NXPH4: variants seen among roughly 807,000 people sequenced by gnomAD.
NXPH4 encodes neurexophilin-4.
Under a neutral mutation model 21.3 loss-of-function variants are expected in NXPH4, and 8 were observed. That is an observed-to-expected ratio of 0.38 (90% CI 0.22 to 0.68). The LOEUF (loss-of-function observed/expected upper bound fraction) is 0.68. NXPH4 is among the 30% of genes least tolerant of loss of function. The probability of loss-of-function intolerance (pLI) is 0.53; values close to 1 mark genes in which losing one functional copy is unlikely to be tolerated. For missense variants in NXPH4, 418 were observed against 416.8 expected, an observed-to-expected ratio of 1.00 and a Z score of -0.03; for synonymous variants, 219 against 192.6, an observed-to-expected ratio of 1.14 and a Z score of -1.13.
intron 1 of NXPH4, 30 bp downstream of exon 1, chr12:57,217,056 C>T (rs2037046376): frequency 1.9e-6 from 3 of 1,575,028 alleles, no homozygotes; most frequent in Non-Finnish European, 8.6e-7. Flanking sequence ...GGCGCTAGCG[C>T]GGGCGCGGGG....
chr12:57,222,804 C>T (rs1565763424), intron 1 of NXPH4, among the ~76,000 whole-genome samples: 1 of 152,166 alleles, frequency 6.6e-6, no homozygotes, highest in Non-Finnish European at 1.5e-5. Flanking sequence ...CTGCCCCCGC[C>T]CCCTCACCTG....
At position 57,225,138 on chromosome 12, in the gene NXPH4, C is replaced by A; in HGVS notation, c.318C>A (p.Phe106Leu). 6.4e-7 allele frequency: 1 copy of A among 1,556,966 alleles called. No homozygotes were observed. Among genetic ancestry groups the A allele is most frequent in the South Asian group, 1.2e-5 (1 of 84,790 alleles). The change falls in exon 2 of 2, where the codon TTC becomes TTA. Residue 106 changes from phenylalanine (F) to leucine (L), a missense_variant. Coordinates refer to ENST00000349394, the MANE Select transcript of NXPH4 (RefSeq NM_007224.4). Reference protein sequence around the residue: ...SIKAARAKKIFGWGDFYFRVH... With the variant: ...SIKAARAKKILGWGDFYFRVH... Reference sequence around the variant, plus strand: ...AGGCGGCGCGCGCCAAAAAGATCTTCGGCTGGGGGGACTTCTACTTTCGGG... The same window carrying A: ...AGGCGGCGCGCGCCAAAAAGATCTTAGGCTGGGGGGACTTCTACTTTCGGG...
chr12:57,220,281 C>G (rs2136767987), intron 1 of NXPH4, among the ~76,000 whole-genome samples: 1 of 152,242 alleles, frequency 6.6e-6, no homozygotes, highest in East Asian at 1.9e-4. Context: ...CACTCCCCCT[C>G]CGGCTCCGGC....
intron 1 of NXPH4, among the ~76,000 whole-genome samples, chr12:57,217,609 C>T (rs1285600608): frequency 6.6e-6 from 1 of 152,180 alleles, no homozygotes; most frequent in Non-Finnish European, 1.5e-5. Flanking sequence ...CTCACAGACA[C>T]ACCCCCCTCT....
intron 1 of NXPH4, chr12:57,220,114 G>A (rs1315813274): frequency 6.5e-6 from 1 of 152,886 alleles, no homozygotes; most frequent in East Asian, 1.9e-4. Context: ...GGTCATAGGA[G>A]AGGGTCCCAG....
intron 1 of NXPH4, among the ~76,000 whole-genome samples, chr12:57,217,577 G>A (rs1472315405): frequency 6.6e-6 from 1 of 152,166 alleles, no homozygotes; most frequent in Non-Finnish European, 1.5e-5. Flanking sequence ...TTCCCACGGA[G>A]ACACCATCTC....
chr12:57,217,229 G>C (rs1319118647), intron 1 of NXPH4, among the ~76,000 whole-genome samples: 3 of 152,190 alleles, frequency 2.0e-5, no homozygotes, highest in African/African-American at 7.2e-5. Flanking sequence ...CTTGGAGAGG[G>C]TGCCGGGCGG....
intron 1 of NXPH4, among the ~76,000 whole-genome samples, chr12:57,223,019 G>T (rs61978619): frequency 6.6e-6 from 1 of 152,114 alleles, no homozygotes; most frequent in African/African-American, 2.4e-5. Flanking sequence ...GGCAAACAGA[G>T]GGGGGCACCC....
In NXPH4 at chr12:57,225,445, G is replaced by T; in HGVS notation, c.625G>T (p.Gly209Trp). Residue 209 changes from glycine (G) to tryptophan (W), a missense_variant, in exon 2 of 2, where the codon GGG becomes TGG. Coordinates refer to ENST00000349394, the MANE Select transcript of NXPH4 (RefSeq NM_007224.4). ...GGGGCCCGGGCTTGGGGGCTCCCTC[G>T]GGGGCGCACTGGCGGGGCCGCTTGG... ...AAGPGLGGSL[G>W]GALAGPLGGA... The T allele has an allele frequency of 2.5e-6, 4 of 1,603,612 alleles. No homozygotes were observed. Among genetic ancestry groups the T allele is most frequent in the Non-Finnish European group, 3.4e-6 (4 of 1,177,466 alleles).
At chr12:57,220,235 C>G (rs908000901) in intron 1 of NXPH4, among the ~76,000 whole-genome samples, 1 of 152,034 alleles carries the variant, frequency 6.6e-6, no homozygotes, top group African/African-American at 2.4e-5. Flanking sequence ...GGCTCCCCCT[C>G]TCCCCCGCCT....
chr12:57,225,652 TGTATCTTC>T lies in NXPH4; in HGVS notation c.835_842del (p.Ile279LeufsTer6). Reference sequence around the variant, plus strand: ...CTGTGCCAAGCCCTTCAAAGTCATCTGTATCTTCGTCTCTTTCCTCAGCTTTGACTACA... The same window carrying T: ...CTGTGCCAAGCCCTTCAAAGTCATCTGTCTCTTTCCTCAGCTTTGACTACA... On this transcript the variant is annotated frameshift_variant, in exon 2 of 2. Transcript: ENST00000349394. LOFTEE classifies it high-confidence loss of function. The T allele has an allele frequency of 6.2e-7, 1 of 1,613,876 alleles. No homozygotes were observed.
chr12:57,222,017 A>C (rs923013677), intron 1 of NXPH4, among the ~76,000 whole-genome samples: 1 of 152,184 alleles, frequency 6.6e-6, no homozygotes, highest in Non-Finnish European at 1.5e-5. Flanking sequence ...GGAGAGATGG[A>C]AAAACAGCAC....
intron 1 of NXPH4, among the ~76,000 whole-genome samples, chr12:57,219,269 A>G (rs2136766930): frequency 6.6e-6 from 1 of 151,758 alleles, no homozygotes; most frequent in Admixed American, 6.5e-5. Flanking sequence ...CAGGCTTCCC[A>G]TTTCTCAGAG....
At chr12:57,224,264 T>TGA (rs2037120319) in intron 1 of NXPH4, among the ~76,000 whole-genome samples, 1 of 152,134 alleles carries the variant, frequency 6.6e-6, no homozygotes, top group African/African-American at 2.4e-5. Flanking sequence ...TAGCTGGGAC[T>TGA]ACAGGCGCAC....
In NXPH4 at chr12:57,225,679, G is replaced by A; in HGVS notation, c.859G>A (p.Asp287Asn). 6.2e-7 allele frequency: 1 copy of A among 1,613,838 alleles called. No individual in the cohort carries two copies. The highest frequency in any genetic ancestry group is 8.5e-7 in the Non-Finnish European group (1 of 1,180,010). The stretch of plus-strand genomic sequence containing the variant: ...TATCTTCGTCTCTTTCCTCAGCTTT[G>A]ACTACAAACTGGTGCAGAAGGTGTG... ...ICIFVSFLSF[D>N]YKLVQKVCPD... Residue 287 changes from aspartate (D) to asparagine (N), a missense_variant, in exon 2 of 2, where the codon GAC becomes AAC. Coordinates refer to ENST00000349394, the MANE Select transcript of NXPH4 (RefSeq NM_007224.4).
intron 1 of NXPH4, among the ~76,000 whole-genome samples, chr12:57,222,802 G>A (rs183804181): frequency 3.9e-5 from 6 of 152,258 alleles, no homozygotes; most frequent in African/African-American, 7.2e-5. Context: ...TGCTGCCCCC[G>A]CCCCCTCACC....
At chr12:57,217,181 T>C (rs1381203431) in intron 1 of NXPH4, among the ~76,000 whole-genome samples, 155 bp downstream of exon 1, 1 of 152,118 alleles carries the variant, frequency 6.6e-6, no homozygotes, top group Non-Finnish European at 1.5e-5. Context: ...GACTGCCCGA[T>C]TCAGGACGGG....
chr12:57,225,884 C>A lies in NXPH4; in HGVS notation c.*137C>A. 2 of 1,456,756 alleles carry A rather than the reference C, an allele frequency of 1.4e-6. No individual in the cohort carries two copies. Among genetic ancestry groups the A allele is most frequent in the Non-Finnish European group, 1.8e-6 (2 of 1,110,132 alleles). The allele number at this position is 1,456,756 out of a possible 1,614,324, so 90.2% of individuals were successfully genotyped here. On this transcript the variant is annotated 3_prime_UTR_variant, in exon 2 of 2. Coordinates refer to ENST00000349394, the MANE Select transcript of NXPH4 (RefSeq NM_007224.4). ...CTGGGGGCGGAGGGGAATGGCTTCTCGGGACCCTCAGCTAGCGTGGGTGCC... is the reference window on the plus strand; with the variant it reads ...CTGGGGGCGGAGGGGAATGGCTTCTAGGGACCCTCAGCTAGCGTGGGTGCC...
chr12:57,222,113 C>G (rs1316893142), intron 1 of NXPH4, among the ~76,000 whole-genome samples: 1 of 152,172 alleles, frequency 6.6e-6, no homozygotes, highest in Non-Finnish European at 1.5e-5. Context: ...TTTCTCGGCT[C>G]TCGTTTCCTC....
Sources: gnomAD v4.1 joint callset for allele counts (sites outside exome capture counted in the v4.1 genomes callset) on GRCh38, gnomAD v4.1.1 for gene constraint, MANE v1.5 for transcripts, NCBI Gene and HGNC (gene_info 2026-07-23, HGNC 2026-07-21) for gene names.